Variants in TDRD12 observed in about 807,000 individuals in gnomAD.
TDRD12 encodes putative ATP-dependent RNA helicase TDRD12.
In TDRD12, 158 loss-of-function variants were observed where a neutral mutation model predicts 133.5. That is an observed-to-expected ratio of 1.18 (90% confidence interval 1.04 to 1.35). The LOEUF is 1.35. Ranked by LOEUF, TDRD12 falls within the 40% of genes most tolerant of loss-of-function variation. TDRD12 has a pLI of 0.00. For synonymous variants in TDRD12, 460 were observed against 477.9 expected (o/e 0.96, Z 0.49); for missense variants, 1,443 against 1,321.3 (o/e 1.09, Z -1.43).
At chr19:32,749,827 T>C in exon 6 of TDRD12, 2 of 1,550,960 alleles carry the variant, frequency 1.3e-6, no homozygotes, top group South Asian at 2.4e-5. Context: ...TGGAAGAAGA[T>C]ACATTTGAGG....
intron 1 of TDRD12, among the ~76,000 whole-genome samples, chr19:32,729,680 A>T (rs1781020535): frequency 6.6e-6 from 1 of 150,586 alleles, no homozygotes; most frequent in African/African-American, 2.4e-5. Context: ...TCTCATCTTT[A>T]AGTTCTGTAT....
chr19:32,725,554 A>C (rs1225537249), intron 1 of TDRD12, among the ~76,000 whole-genome samples: 1 of 152,012 alleles, frequency 6.6e-6, no homozygotes, highest in Non-Finnish European at 1.5e-5. Context: ...TGAGATCTCT[A>C]TTCTGTTACA....
intron 2 of TDRD12, among the ~76,000 whole-genome samples, chr19:32,738,159 G>A (rs1488788541): frequency 6.6e-6 from 1 of 152,010 alleles, no homozygotes; most frequent in Non-Finnish European, 1.5e-5. Flanking sequence ...AGAGTCATGG[G>A]TAAGGGAGTG....
downstream of TDRD12, among the ~76,000 whole-genome samples, chr19:32,822,591 C>G (rs1368118888): frequency 6.6e-6 from 1 of 151,520 alleles, no homozygotes; most frequent in African/African-American, 2.4e-5. Context: ...ACTAAAAATA[C>G]AAAAAATTAG....
At chr19:32,815,352 G>A in intron 25 of TDRD12, 96 bp from the exon 26 acceptor site, 1 of 1,059,526 alleles carries the variant, frequency 9.4e-7, no homozygotes, top group Non-Finnish European at 1.3e-6. Flanking sequence ...CAACGTGGCA[G>A]GCTGAATGAA....
chr19:32,806,036 C>T (rs543962284), intron 21 of TDRD12, among the ~76,000 whole-genome samples: 3 of 151,696 alleles, frequency 2.0e-5, no homozygotes, highest in Admixed American at 6.6e-5. Context: ...CCGGCCTCCA[C>T]GTACATTTTA....
chr19:32,761,223 C>T (rs141991729), intron 8 of TDRD12, among the ~76,000 whole-genome samples: 1 of 152,346 alleles, frequency 6.6e-6, no homozygotes, highest in South Asian at 2.1e-4. Context: ...TCACACTATT[C>T]TCCTGCCTCA....
chr19:32,735,754 A>T (rs1467828624), intron 2 of TDRD12, among the ~76,000 whole-genome samples: 1 of 151,896 alleles, frequency 6.6e-6, no homozygotes, highest in Non-Finnish European at 1.5e-5. Context: ...TGGATCACCT[A>T]AGGTCAGGAG....
At chr19:32,776,011 C>T (rs1970573239) in intron 10 of TDRD12, among the ~76,000 whole-genome samples, 1 of 152,158 alleles carries the variant, frequency 6.6e-6, no homozygotes, top group Non-Finnish European at 1.5e-5. Context: ...CTGTGGGTGG[C>T]GGTGGCCGTG....
intron 1 of TDRD12, among the ~76,000 whole-genome samples, chr19:32,726,365 C>T (rs1039054202): frequency 3.9e-5 from 6 of 152,186 alleles, no homozygotes; most frequent in African/African-American, 1.4e-4. Context: ...AGGCGTGAAC[C>T]ACCACACCCA....
In TDRD12 at chr19:32,735,068, C is replaced by T. The variant is rs1208071334; in HGVS notation, c.183+3185C>T. ...CAATTGAAATTAGGCCAATTAATAACCCTACAATGGCCCCTAAGTGTTCAA... is the reference window on the plus strand; with the variant it reads ...CAATTGAAATTAGGCCAATTAATAATCCTACAATGGCCCCTAAGTGTTCAA... On this transcript the variant is annotated intron_variant, in intron 2 of 27. Transcript: ENST00000444215. Among the ~76,000 whole-genome samples the T allele has an allele frequency of 4.6e-5, 7 of 152,242 alleles. No homozygotes were observed. The East Asian group carries it at 1.2e-3, about 25-fold the overall frequency.
chr19:32,798,111 C>T (rs1400746448), intron 15 of TDRD12, among the ~76,000 whole-genome samples, 197 bp from the exon 16 acceptor site: 1 of 152,184 alleles, frequency 6.6e-6, no homozygotes, highest in Non-Finnish European at 1.5e-5. Flanking sequence ...AAAACTATGT[C>T]ACTTCATTCA....
chr19:32,822,986 C>T (rs1477555787), downstream of TDRD12, among the ~76,000 whole-genome samples: 4 of 152,190 alleles, frequency 2.6e-5, no homozygotes, highest in Admixed American at 6.5e-5. Flanking sequence ...CATGACTAGA[C>T]AAAGTCTCCA....
intron 9 of TDRD12, 140 bp from the exon 10 acceptor site, chr19:32,773,314 ATC>A: frequency 2.8e-6 from 2 of 706,406 alleles, no homozygotes; most frequent in Non-Finnish European, 4.8e-6. Context: ...CCAGTTTTTT[ATC>A]TCTCTATCTC....
intron 19 of TDRD12, 71 bp from the exon 20 acceptor site, chr19:32,802,585 G>C: frequency 3.4e-6 from 5 of 1,492,024 alleles, no homozygotes; most frequent in Non-Finnish European, 4.5e-6. Context: ...CAGTGTGGCC[G>C]TGGGAACTGC....
chr19:32,828,072 A>C (rs1365113762), exon 10 of TDRD12: 1 of 152,250 alleles, frequency 6.6e-6, no homozygotes, highest in Non-Finnish European at 1.5e-5. Flanking sequence ...GTGGGATTTA[A>C]CATAACCATC....
chr19:32,781,543 CTT>C (rs1465471501), intron 11 of TDRD12, among the ~76,000 whole-genome samples: 1 of 152,154 alleles, frequency 6.6e-6, no homozygotes, highest in Non-Finnish European at 1.5e-5. Context: ...TTTTTAGAGA[CTT>C]TGCATAAATG....
At chr19:32,776,012 G>A (rs892380682) in intron 10 of TDRD12, among the ~76,000 whole-genome samples, 4 of 152,138 alleles carry the variant, frequency 2.6e-5, no homozygotes, top group South Asian at 2.1e-4. Context: ...TGTGGGTGGC[G>A]GTGGCCGTGT....
chr19:32,736,934 A>T (rs1187087151), intron 2 of TDRD12, among the ~76,000 whole-genome samples: 2 of 152,286 alleles, frequency 1.3e-5, no homozygotes, highest in East Asian at 3.9e-4. Context: ...AATTGTAGGT[A>T]AAAAATGGGC....
Sources: gnomAD v4.1 joint callset for allele counts (sites outside exome capture counted in the v4.1 genomes callset) on GRCh38, gnomAD v4.1.1 for gene constraint, MANE v1.5 for transcripts, NCBI Gene and HGNC (gene_info 2026-07-23, HGNC 2026-07-21) for gene names.